The following PTPRT variants were observed in gnomAD, a reference collection of about 807,000 sequenced individuals.
PTPRT encodes the protein protein tyrosine phosphatase receptor type T, also known as receptor-type tyrosine-protein phosphatase T.
PTPRT carries 56 observed loss-of-function variants against 176.8 expected under a neutral mutation model. That is an observed-to-expected ratio of 0.32 (90% CI 0.26 to 0.40). The LOEUF (loss-of-function observed/expected upper bound fraction) is 0.40. Ranked by LOEUF, PTPRT falls within the 10% of genes least tolerant of loss-of-function variation. The pLI is 1.00. For synonymous variants in PTPRT, 783 were observed against 739.0 expected, an observed-to-expected ratio of 1.06 and a Z score of -0.96; for missense variants, 1,540 against 1,908.2, an observed-to-expected ratio of 0.81 and a Z score of 3.60.
At chr20:42,096,075 C>A (rs1985191760) in intron 27 of PTPRT, among the ~76,000 whole-genome samples, 1 of 152,228 alleles carries the variant, frequency 6.6e-6, no homozygotes, top group African/African-American at 2.4e-5. Flanking sequence ...GCTCCCTAAA[C>A]CTTGGGGACT....
At chr20:42,648,251 G>T (rs576161802) in intron 7 of PTPRT, among the ~76,000 whole-genome samples, 1 of 151,642 alleles carries the variant, frequency 6.6e-6, no homozygotes, top group Non-Finnish European at 1.5e-5. Context: ...CAATCAAGGG[G>T]TCCTTCACGA....
At chr20:43,057,057 T>C (rs1002647024) in intron 1 of PTPRT, among the ~76,000 whole-genome samples, 12 of 151,994 alleles carry the variant, frequency 7.9e-5, no homozygotes, top group Non-Finnish European at 1.8e-4. Flanking sequence ...TCTACTTATA[T>C]AACATTCTTG....
In PTPRT at chr20:42,550,419, A is replaced by C. The variant is rs146898039; in HGVS notation, c.1154-77857T>G. Among the ~76,000 whole-genome samples the C allele has an allele frequency of 1.3e-5, 2 of 152,142 alleles. 1 individual carries two copies. The highest frequency in any genetic ancestry group is 1.3e-4 in the Admixed American group (2 of 15,268). On this transcript the variant is annotated intron_variant, in intron 7 of 30. Transcript: ENST00000373187. ...AATGCCACCCCTGAGCTTTTAAATT[A>C]TATGAACCATGAAATTATTCTTTGG...
At chr20:42,529,253 G>A (rs545105618) in intron 7 of PTPRT, among the ~76,000 whole-genome samples, 23 of 152,202 alleles carry the variant, frequency 1.5e-4, no homozygotes, top group Admixed American at 9.8e-4. Flanking sequence ...TTAAAAATCC[G>A]CTTGGTAAAG....
chr20:42,511,739 T>A (rs2071961081), intron 7 of PTPRT, among the ~76,000 whole-genome samples: 1 of 152,100 alleles, frequency 6.6e-6, no homozygotes, highest in Non-Finnish European at 1.5e-5. Context: ...CCCTATTTTT[T>A]TTTTTTAGAT....
intron 6 of PTPRT, among the ~76,000 whole-genome samples, chr20:42,744,493 C>T (rs1275105241): frequency 2.6e-5 from 4 of 152,202 alleles, no homozygotes; most frequent in Non-Finnish European, 5.9e-5. Flanking sequence ...ATCTTCCCAT[C>T]TGTTTTCAGG....
Position 43,149,924 on chromosome 20 carries a change from C to T in PTPRT, c.88+39722G>A, listed in dbSNP as rs148115580. ...ACTTGTGAAGGGTCCAGGGAAGAAA[C>T]GTGTGAACATCCGTGAGATGTGAAG... On this transcript the variant is annotated intron_variant, in intron 1 of 30. Transcript: ENST00000373187. Among the ~76,000 whole-genome samples, 237 of 152,252 alleles carry T rather than the reference C, an allele frequency of 1.6e-3. 1 individual carries two copies. The highest frequency in any genetic ancestry group is 5.5e-3 in the African/African-American group (230 of 41,564).
At chr20:43,157,727 C>T (rs1250468514) in intron 1 of PTPRT, among the ~76,000 whole-genome samples, 1 of 152,124 alleles carries the variant, frequency 6.6e-6, no homozygotes, top group Non-Finnish European at 1.5e-5. Context: ...GAGAAGTATG[C>T]TTTCAGACTC....
At chr20:42,497,874 T>A (rs533438079) in intron 7 of PTPRT, among the ~76,000 whole-genome samples, 10 of 152,314 alleles carry the variant, frequency 6.6e-5, no homozygotes, top group African/African-American at 2.2e-4. Flanking sequence ...ACAAATTTCC[T>A]TTTCTATTCT....
intron 2 of PTPRT, among the ~76,000 whole-genome samples, chr20:42,849,937 G>C (rs751261251): frequency 6.6e-6 from 1 of 152,122 alleles, no homozygotes; most frequent in Non-Finnish European, 1.5e-5. Context: ...GTGCTACCTT[G>C]TCCCATTTCC....
intron 13 of PTPRT, among the ~76,000 whole-genome samples, chr20:42,274,067 A>C (rs770132809): frequency 6.6e-6 from 1 of 152,240 alleles, no homozygotes. Context: ...AAGGAGGCAG[A>C]AACAGAAAAA....
At chr20:42,327,247 C>T (rs572512851) in intron 11 of PTPRT, among the ~76,000 whole-genome samples, 1 of 151,926 alleles carries the variant, frequency 6.6e-6, no homozygotes, top group South Asian at 2.1e-4. Flanking sequence ...TTTAAGACCT[C>T]GCTACATATG....
At chr20:42,693,437 AC>A (rs1248115157) in intron 6 of PTPRT, among the ~76,000 whole-genome samples, 1 of 152,204 alleles carries the variant, frequency 6.6e-6, no homozygotes, top group African/African-American at 2.4e-5. Context: ...TAGAGAGCTT[AC>A]CTTTTAGGAA....
At chr20:42,818,784 C>T (rs945879486) in intron 2 of PTPRT, among the ~76,000 whole-genome samples, 3 of 151,852 alleles carry the variant, frequency 2.0e-5, no homozygotes, top group Non-Finnish European at 4.4e-5. Flanking sequence ...ACTGACCACG[C>T]GGAAGAAAGG....
intron 13 of PTPRT, among the ~76,000 whole-genome samples, chr20:42,278,797 G>T (rs989418970): frequency 3.9e-5 from 6 of 152,044 alleles, no homozygotes; most frequent in African/African-American, 7.2e-5. Context: ...CATGGGAAGG[G>T]TCATTTTCTC....
intron 7 of PTPRT, among the ~76,000 whole-genome samples, chr20:42,496,142 A>T (rs2071650004): frequency 6.6e-6 from 1 of 152,040 alleles, no homozygotes; most frequent in Admixed American, 6.6e-5. Context: ...CTTCATTTTC[A>T]TTGTCTTCCT....
intron 7 of PTPRT, among the ~76,000 whole-genome samples, chr20:42,526,866 T>C (rs556939047): frequency 1.3e-5 from 2 of 152,208 alleles, no homozygotes; most frequent in South Asian, 4.2e-4. Context: ...GTTGTGTACA[T>C]TGCTTATTTT....
intron 7 of PTPRT, among the ~76,000 whole-genome samples, chr20:42,569,081 A>AATATATATATATATAGATATAT (rs2073104195): frequency 3.2e-5 from 1 of 30,802 alleles, no homozygotes; most frequent in African/African-American, 1.3e-4. Context: ...AAAAAAAAAA[A>AATATATATATATATAGATATAT]ATATATATAT....
intron 1 of PTPRT, among the ~76,000 whole-genome samples, chr20:42,929,411 T>C (rs1979691405): frequency 6.6e-6 from 1 of 152,230 alleles, no homozygotes; most frequent in Admixed American, 6.5e-5. Flanking sequence ...TCCAATTGCA[T>C]TTAAAGGACA....
Sources: gnomAD v4.1 joint callset for allele counts (sites outside exome capture counted in the v4.1 genomes callset) on GRCh38, gnomAD v4.1.1 for gene constraint, MANE v1.5 for transcripts, NCBI Gene and HGNC (gene_info 2026-07-23, HGNC 2026-07-21) for gene names.